Variants in ADH4 observed in about 807,000 individuals in gnomAD.
The protein encoded by ADH4 is all-trans-retinol dehydrogenase [NAD(+)] ADH4.
ADH4 carries 31 observed loss-of-function variants against 35.2 expected under a neutral mutation model. The observed-to-expected ratio is 0.88, with a 90% confidence interval of 0.66 to 1.19. ADH4 has a LOEUF of 1.19. Among genes scored for constraint, ADH4 ranks in the 50% most tolerant of loss-of-function variants. The pLI, the probability that ADH4 is intolerant of heterozygous loss-of-function variation, is 0.00. For synonymous variants in ADH4, 171 were observed against 160.2 expected (o/e 1.07, Z -0.51); for missense variants, 476 against 458.3 (o/e 1.04, Z -0.35).
intron 6 of ADH4, among the ~76,000 whole-genome samples, chr4:99,129,455 A>T (rs1222659572): frequency 2.0e-5 from 3 of 152,194 alleles, no homozygotes; most frequent in Non-Finnish European, 4.4e-5. Flanking sequence ...GATTATTTAG[A>T]ATAGTCTTTC....
intron 8 of ADH4, 50 bp downstream of exon 8, chr4:99,126,544 A>C (rs1440568891): frequency 2.0e-6 from 3 of 1,523,896 alleles, no homozygotes; most frequent in Non-Finnish European, 2.7e-6. Context: ...AAGAAGATAG[A>C]ATCATTGTAA....
intron 6 of ADH4, among the ~76,000 whole-genome samples, chr4:99,127,843 A>C (rs1729147619): frequency 6.6e-6 from 1 of 151,932 alleles, no homozygotes; most frequent in Non-Finnish European, 1.5e-5. Context: ...AAAAAAAAAA[A>C]AATTATTAGT....
intron 4 of ADH4, 118 bp from the exon 5 acceptor site, chr4:99,136,815 CAG>C (rs780167364): frequency 8.8e-6 from 6 of 682,178 alleles, no homozygotes; most frequent in Non-Finnish European, 1.4e-5. Context: ...ATTTACAAGA[CAG>C]AAAAATTAGG....
At chr4:99,132,713 TA>T (rs1334647222) in intron 5 of ADH4, among the ~76,000 whole-genome samples, 3 of 152,158 alleles carry the variant, frequency 2.0e-5, no homozygotes, top group Non-Finnish European at 2.9e-5. Flanking sequence ...CAGACTATTA[TA>T]GCGATAGAAA....
intron 8 of ADH4, among the ~76,000 whole-genome samples, chr4:99,125,511 T>G (rs1477209462): frequency 6.6e-6 from 1 of 152,230 alleles, no homozygotes; most frequent in African/African-American, 2.4e-5. Flanking sequence ...TAGAAGGGTG[T>G]GAGGCTCAAA....
chr4:99,139,998 G>A (rs528409209), intron 3 of ADH4, among the ~76,000 whole-genome samples: 2 of 152,250 alleles, frequency 1.3e-5, no homozygotes, highest in East Asian at 1.9e-4. Context: ...AGAGTGGCAC[G>A]GTTCATCTGG....
In ADH4 at chr4:99,124,134, G is replaced by T. The variant is rs963003106; in HGVS notation, c.*308C>A. On this transcript the variant is annotated 3_prime_UTR_variant, in exon 9 of 9. Coordinates refer to ENST00000265512, the MANE Select transcript of ADH4 (RefSeq NM_000670.5). ...AATCTAAAAAAATTATAAACATATG[G>T]CCAATCTAGTTTTATTTATTATCTC... The T allele has an allele frequency of 1.2e-5, 3 of 256,246 alleles. No individual in the cohort carries two copies. The highest frequency in any genetic ancestry group is 2.2e-5 in the Non-Finnish European group (3 of 138,886). The allele number at this position is 256,246 out of a possible 1,614,324, so 15.9% of individuals were successfully genotyped here. A position where few individuals can be genotyped will look rare whatever the true frequency, so the allele number is the denominator to read the frequency against.
chr4:99,135,325 G>A (rs1471497624), intron 5 of ADH4, among the ~76,000 whole-genome samples: 1 of 152,038 alleles, frequency 6.6e-6, no homozygotes, highest in Non-Finnish European at 1.5e-5. Context: ...GCTACTTGGA[G>A]GGCTGAAGTG....
At chr4:99,129,049 C>A (rs13107558) in intron 6 of ADH4, among the ~76,000 whole-genome samples, 34,831 of 151,952 alleles carry the variant, frequency 0.23, 4,796 homozygotes, top group Non-Finnish European at 0.31. Flanking sequence ...GTCTGCCCAC[C>A]TCAGCCTTCC....
In ADH4 at chr4:99,131,688, G is replaced by T; in HGVS notation, c.659C>A (p.Ala220Glu). 6.2e-7 allele frequency: 1 copy of T among 1,614,116 alleles called. No homozygotes were observed. The highest frequency in any genetic ancestry group is 8.5e-7 in the Non-Finnish European group (1 of 1,180,006). ...AATACCTATGATTCTGGAAGCTCCTGCTGCTTTACAACCCATTACAGCAGA... is the reference window on the plus strand; with the variant it reads ...AATACCTATGATTCTGGAAGCTCCTTCTGCTTTACAACCCATTACAGCAGA... ...GLSAVMGCKA[A>E]GASRIIGIDI... Residue 220 changes from alanine to glutamate, a missense_variant, in exon 6 of 9, where the codon GCA (alanine) becomes GAA (glutamate). By Grantham distance (107) the Ala-to-Glu change is moderately radical (BLOSUM62 -1). Transcript: ENST00000265512.
At chr4:99,124,940 G>C (rs2851247) in intron 8 of ADH4, among the ~76,000 whole-genome samples, 119,872 of 151,916 alleles carry the variant, frequency 0.79, 47,966 homozygotes, top group East Asian at 1. Flanking sequence ...TAAGCCTCAA[G>C]GACAGAGCAG....
At position 99,126,880 on chromosome 4, in the gene ADH4, A is replaced by C. The variant is rs1385696704; in HGVS notation, c.980-148T>G. 4.4e-5 allele frequency: 30 copies of C among 679,210 alleles called. 1 individual carries two copies. In the Admixed American group the frequency reaches 1.1e-3, roughly 25 times the overall value. The allele number at this position is 679,210 out of a possible 1,614,324, so 42.1% of individuals were successfully genotyped here. Reference sequence around the variant, plus strand: ...CTTCCATCTTTAATTTTCTGTACTTATATCTATTTTAAAATTTTTCTTTAT... The same window carrying C: ...CTTCCATCTTTAATTTTCTGTACTTCTATCTATTTTAAAATTTTTCTTTAT... On this transcript the variant is annotated intron_variant, in intron 7 of 8. Transcript: ENST00000265512.
chr4:99,127,479 TC>T, intron 6 of ADH4, 135 bp from the exon 7 acceptor site: 1 of 595,768 alleles, frequency 1.7e-6, no homozygotes. Flanking sequence ...GCTAATGACA[TC>T]ATAGTATCAT....
chr4:99,139,731 A>G (rs56272995), intron 3 of ADH4, among the ~76,000 whole-genome samples: 31,955 of 152,160 alleles, frequency 0.21, 4,028 homozygotes, highest in Non-Finnish European at 0.28. Context: ...CTTAATTCTC[A>G]GAGCAACTCT....
At chr4:99,138,365 A>G (rs1693400542) in intron 4 of ADH4, among the ~76,000 whole-genome samples, 1 of 152,186 alleles carries the variant, frequency 6.6e-6, no homozygotes, top group Admixed American at 6.5e-5. Flanking sequence ...TTAGCTTCTT[A>G]AATAACTGCT....
chr4:99,124,834 G>A lies in ADH4; in HGVS notation c.1119-368C>T, dbSNP rs547249750. Among the ~76,000 whole-genome samples the A allele has an allele frequency of 5.9e-4, 90 of 152,274 alleles. 1 individual carries two copies. The highest frequency in any genetic ancestry group is 6.8e-3 in the Middle Eastern group (2 of 294). ...GCAAAGTTGAGCATTGAAGGAGGGA[G>A]TGGGCATCAAAGTTGGTGTGTTGGG... On this transcript the variant is annotated intron_variant, in intron 8 of 8. Coordinates refer to ENST00000265512, the MANE Select transcript of ADH4 (RefSeq NM_000670.5).
intron 3 of ADH4, among the ~76,000 whole-genome samples, chr4:99,140,866 CAAAAAA>C (rs35246304): frequency 1.6e-5 from 2 of 127,494 alleles, no homozygotes; most frequent in Non-Finnish European, 1.7e-5. Context: ...GGCTCCATCT[CAAAAAA>C]AAAAAAAAAA....
At chr4:99,135,280 A>G (rs1438526948) in intron 5 of ADH4, among the ~76,000 whole-genome samples, 3 of 152,004 alleles carry the variant, frequency 2.0e-5, no homozygotes, top group Non-Finnish European at 4.4e-5. Flanking sequence ...AATTAAAAAA[A>G]TAGCCAGGCA....
chr4:99,131,919 C>T (rs544590189), intron 5 of ADH4, among the ~76,000 whole-genome samples, 155 bp from the exon 6 acceptor site: 2 of 152,054 alleles, frequency 1.3e-5, no homozygotes, highest in African/African-American at 2.4e-5. Context: ...TCTGCCAATG[C>T]GAAAATGGAT....
Sources: gnomAD v4.1 joint callset for allele counts (sites outside exome capture counted in the v4.1 genomes callset) on GRCh38, gnomAD v4.1.1 for gene constraint, MANE v1.5 for transcripts, NCBI Gene and HGNC (gene_info 2026-07-23, HGNC 2026-07-21) for gene names.